Variants in CADPS2 observed in about 807,000 individuals in gnomAD.
CADPS2 encodes the protein calcium dependent secretion activator 2.
A neutral mutation model predicts 172.5 loss-of-function variants in CADPS2; 93 were observed. The observed-to-expected ratio is 0.54, with a 90% CI of 0.46 to 0.64. The LOEUF (loss-of-function observed/expected upper bound fraction) is 0.64, where lower values mean the gene tolerates loss of function less well. Ranked by LOEUF, CADPS2 falls within the 30% of genes least tolerant of loss-of-function variation. CADPS2 has a pLI of 0.00. For synonymous variants in CADPS2, 546 were observed against 555.2 expected (o/e 0.98, Z 0.23); for missense variants, 1,420 against 1,565.9 (o/e 0.91, Z 1.57).
chr7:122,401,434 G>C (rs10280056), intron 20 of CADPS2, among the ~76,000 whole-genome samples: 5,980 of 152,190 alleles, frequency 0.039, 392 homozygotes, highest in African/African-American at 0.14. Flanking sequence ...AAGGGTTTGC[G>C]TTTCAGTAGT....
chr7:122,629,151 C>T, intron 4 of CADPS2, 97 bp downstream of exon 4: 2 of 849,304 alleles, frequency 2.4e-6, no homozygotes, highest in Non-Finnish European at 3.5e-6. Context: ...ATTATGCTGG[C>T]TCTTTTTTTT....
At chr7:122,724,194 AAAAAT>A (rs2090834350) in intron 2 of CADPS2, among the ~76,000 whole-genome samples, 1 of 151,984 alleles carries the variant, frequency 6.6e-6, no homozygotes, top group Non-Finnish European at 1.5e-5. Flanking sequence ...TGAAAAATTA[AAAAAT>A]AAAAATAAAA....
chr7:122,856,132 C>T (rs1815125893), intron 1 of CADPS2, among the ~76,000 whole-genome samples: 1 of 152,184 alleles, frequency 6.6e-6, no homozygotes, highest in South Asian at 2.1e-4. Context: ...AGCAGGAAAA[C>T]AGGCAGAAGC....
chr7:122,612,309 A>T (rs1488705460), intron 6 of CADPS2, among the ~76,000 whole-genome samples: 1 of 152,034 alleles, frequency 6.6e-6, no homozygotes, highest in Non-Finnish European at 1.5e-5. Context: ...TACAAAATCC[A>T]CTAAAAATTT....
chr7:122,480,796 A>AG, intron 12 of CADPS2, 56 bp downstream of exon 12: 10 of 1,180,470 alleles, frequency 8.5e-6, no homozygotes, highest in Non-Finnish European at 1.2e-5. Flanking sequence ...CCTCAAACAT[A>AG]GTATCATTAA....
At chr7:122,635,887 T>C (rs1005200237) in intron 3 of CADPS2, among the ~76,000 whole-genome samples, 3 of 151,914 alleles carry the variant, frequency 2.0e-5, no homozygotes, top group African/African-American at 7.3e-5. Flanking sequence ...TTGTTATTGG[T>C]TTCAAATCTA....
At chr7:122,519,300 C>T (rs1476856144) in intron 8 of CADPS2, among the ~76,000 whole-genome samples, 1 of 151,974 alleles carries the variant, frequency 6.6e-6, no homozygotes, top group Non-Finnish European at 1.5e-5. Context: ...AAATAACTGC[C>T]CAGATACTAT....
At chr7:122,542,810 C>T (rs2063239083) in intron 8 of CADPS2, among the ~76,000 whole-genome samples, 1 of 152,018 alleles carries the variant, frequency 6.6e-6, no homozygotes, top group Admixed American at 6.6e-5. Flanking sequence ...CAGTTTTTCA[C>T]ATTTCATAAG....
intron 28 of CADPS2, among the ~76,000 whole-genome samples, chr7:122,339,389 T>C (rs895240106): frequency 1.1e-4 from 17 of 152,166 alleles, no homozygotes; most frequent in Non-Finnish European, 2.5e-4. Flanking sequence ...CTTATCCATG[T>C]TTTGTTGATT....
chr7:122,840,096 A>G (rs1341581501), intron 1 of CADPS2, among the ~76,000 whole-genome samples: 1 of 152,224 alleles, frequency 6.6e-6, no homozygotes, highest in African/African-American at 2.4e-5. Flanking sequence ...AATACTATGC[A>G]GCCAAAAAAA....
intron 3 of CADPS2, among the ~76,000 whole-genome samples, chr7:122,655,482 CAT>C (rs2079637765): frequency 6.6e-6 from 1 of 152,114 alleles, no homozygotes; most frequent in South Asian, 2.1e-4. Context: ...TGCTTGGTAG[CAT>C]TTTTTAAAAC....
chr7:122,577,261 G>A (rs780391275), intron 7 of CADPS2, among the ~76,000 whole-genome samples: 6 of 151,958 alleles, frequency 3.9e-5, no homozygotes, highest in Non-Finnish European at 7.4e-5. Context: ...GTGAGAATGG[G>A]CTAATACTGC....
intron 3 of CADPS2, among the ~76,000 whole-genome samples, chr7:122,648,977 G>A (rs2078853632): frequency 6.6e-6 from 1 of 152,104 alleles, no homozygotes; most frequent in African/African-American, 2.4e-5. Flanking sequence ...ACAGTAGGGT[G>A]AGGCTACCTG....
At chr7:122,439,432 A>G (rs544768943) in intron 16 of CADPS2, 27 of 152,252 alleles carry the variant, frequency 1.8e-4, no homozygotes, top group African/African-American at 6.3e-4. Flanking sequence ...CTCTATTTCT[A>G]TGTCTTATAT....
intron 15 of CADPS2, among the ~76,000 whole-genome samples, chr7:122,442,508 A>G (rs1211961492): frequency 6.6e-6 from 1 of 152,156 alleles, no homozygotes; most frequent in Non-Finnish European, 1.5e-5. Context: ...ATGTATCTCC[A>G]TGTCATTTTG....
At chr7:122,636,469 T>G (rs921035571) in intron 3 of CADPS2, among the ~76,000 whole-genome samples, 1 of 142,114 alleles carries the variant, frequency 7.0e-6, no homozygotes, top group East Asian at 2.0e-4. Context: ...GATGTTTTTT[T>G]TTTTTTTTTT....
intron 1 of CADPS2, among the ~76,000 whole-genome samples, chr7:122,756,450 G>A (rs1265261043): frequency 1.3e-5 from 2 of 152,036 alleles, no homozygotes; most frequent in Non-Finnish European, 2.9e-5. Flanking sequence ...GGAAAGAGAT[G>A]TCAAAATTTA....
chr7:122,885,950 A>C (rs1313216099), intron 1 of CADPS2, 49 bp downstream of exon 1: 1 of 1,568,814 alleles, frequency 6.4e-7, no homozygotes, highest in East Asian at 2.3e-5. Flanking sequence ...TCCCGGGAGA[A>C]AAACCCAGGG....
chr7:122,856,728 T>C (rs1815350672), intron 1 of CADPS2, among the ~76,000 whole-genome samples: 1 of 152,086 alleles, frequency 6.6e-6, no homozygotes, highest in African/African-American at 2.4e-5. Flanking sequence ...GTTCATGAAA[T>C]ATATAAAGAC....
Sources: gnomAD v4.1 joint callset for allele counts (sites outside exome capture counted in the v4.1 genomes callset) on GRCh38, gnomAD v4.1.1 for gene constraint, MANE v1.5 for transcripts, NCBI Gene and HGNC (gene_info 2026-07-23, HGNC 2026-07-21) for gene names.